Variants in DLG2 observed in about 807,000 individuals in gnomAD.
DLG2 encodes disks large homolog 2.
DLG2 carries 45 observed loss-of-function variants against 132.5 expected under a neutral mutation model. The observed-to-expected ratio is 0.34, with a 90% CI of 0.27 to 0.44. The LOEUF (loss-of-function observed/expected upper bound fraction) is 0.44. Among genes scored for constraint, DLG2 ranks in the 20% least tolerant of loss-of-function variants. The pLI is 1.00. For synonymous variants in DLG2, 424 were observed against 419.6 expected, an observed-to-expected ratio of 1.01 and a Z score of -0.13; for missense variants, 1,045 against 1,196.9, an observed-to-expected ratio of 0.87 and a Z score of 1.87.
rs1289305822 is a variant in DLG2, at chr11:83,753,143, C to T, written c.1825+33547G>A. 2.6e-5 allele frequency among the ~76,000 whole-genome samples: 4 copies of T among 152,282 alleles called. No homozygotes were observed. The South Asian group carries it at 6.2e-4, about 24-fold the overall frequency. On this transcript the variant is annotated intron_variant, in intron 18 of 27. Coordinates refer to ENST00000376104, the MANE Select transcript of DLG2 (RefSeq NM_001142699.3). ...AAGGAATAAAACTCAGATCTCATGG[C>T]CGGGCGTGGTGGCTCACACCTGTGA...
At chr11:83,663,374 G>A (rs919324064) in intron 18 of DLG2, among the ~76,000 whole-genome samples, 1 of 152,132 alleles carries the variant, frequency 6.6e-6, no homozygotes, top group African/African-American at 2.4e-5. Flanking sequence ...TTATCTCAGA[G>A]GTTAAGAGTT....
intron 11 of DLG2, among the ~76,000 whole-genome samples, chr11:84,030,470 T>G (rs765075308): frequency 6.6e-6 from 1 of 152,260 alleles, no homozygotes; most frequent in South Asian, 2.1e-4. Context: ...ATCAATGCCC[T>G]TCCATGGCCT....
intron 15 of DLG2, among the ~76,000 whole-genome samples, chr11:83,914,469 T>C (rs1001997425): frequency 6.6e-6 from 1 of 152,138 alleles, no homozygotes; most frequent in African/African-American, 2.4e-5. Flanking sequence ...CACCAAGATG[T>C]TTTTCTAGAT....
intron 15 of DLG2, among the ~76,000 whole-genome samples, chr11:83,912,825 G>A (rs2076296784): frequency 6.6e-6 from 1 of 152,014 alleles, no homozygotes; most frequent in Non-Finnish European, 1.5e-5. Context: ...CTCGAATTTG[G>A]GAAAACACTG....
intron 7 of DLG2, among the ~76,000 whole-genome samples, chr11:84,473,128 G>T (rs372885713): frequency 7.2e-5 from 11 of 152,064 alleles, no homozygotes; most frequent in African/African-American, 2.6e-4. Context: ...CCTCGTATTT[G>T]GTAGTACCAA....
intron 7 of DLG2, among the ~76,000 whole-genome samples, chr11:84,469,000 C>T (rs2154488925): frequency 1.3e-5 from 2 of 151,696 alleles, no homozygotes; most frequent in Non-Finnish European, 3.0e-5. Flanking sequence ...TCTTCCCAAA[C>T]ACTCAGACAG....
At chr11:85,452,615 TG>T in intron 3 of DLG2, 2 of 201,350 alleles carry the variant, frequency 9.9e-6, no homozygotes, top group Non-Finnish European at 2.2e-5. Context: ...CAGGCCATCT[TG>T]GGAGGATGTG....
At chr11:84,417,911 C>T (rs1030823720) in intron 7 of DLG2, among the ~76,000 whole-genome samples, 10 of 152,158 alleles carry the variant, frequency 6.6e-5, no homozygotes, top group African/African-American at 2.4e-4. Flanking sequence ...TCCTATCTCC[C>T]TATCCCTTAA....
intron 4 of DLG2, among the ~76,000 whole-genome samples, chr11:85,282,929 C>T (rs1304978918): frequency 6.6e-6 from 1 of 151,902 alleles, no homozygotes; most frequent in East Asian, 1.9e-4. Flanking sequence ...AGATCATGCC[C>T]TTTGCAGGAA....
chr11:84,271,949 C>CAAAAAAAAAA (rs71036417), intron 7 of DLG2, among the ~76,000 whole-genome samples: 4 of 77,766 alleles, frequency 5.1e-5, no homozygotes, highest in African/African-American at 1.3e-4. Context: ...TTGATAATAA[C>CAAAAAAAAAA]AAAAAAAAAA....
intron 19 of DLG2, among the ~76,000 whole-genome samples, chr11:83,599,588 C>A (rs546354491): frequency 6.6e-6 from 1 of 152,290 alleles, no homozygotes; most frequent in East Asian, 1.9e-4. Context: ...CTTTGTGACA[C>A]CATGGGGCAC....
rs193025172 is a variant in DLG2 at position 83,633,216 on chromosome 11, G to A, written c.1935C>T (p.Tyr645=). 3.5e-4 allele frequency: 564 copies of A among 1,613,540 alleles called. 2 individuals are homozygous for A. The East Asian group carries it at 4.8e-3, about 14-fold the overall frequency. Residue 645 remains tyrosine, a synonymous_variant, in exon 19 of 28, where the codon TAC becomes TAT. Transcript: ENST00000376104. The part of the protein sequence containing the change: ...SLRTNQKRSL[Y]VRAMFDYDKS... ...AGAAATACTCCTTTGCCTACCTGACGTAGAGGGAGCGTTTCTGATTGGTTC... is the reference window on the plus strand; with the variant it reads ...AGAAATACTCCTTTGCCTACCTGACATAGAGGGAGCGTTTCTGATTGGTTC...
intron 6 of DLG2, among the ~76,000 whole-genome samples, chr11:85,050,580 G>A (rs889536686): frequency 3.3e-5 from 5 of 152,084 alleles, no homozygotes; most frequent in African/African-American, 1.2e-4. Context: ...TCAAGAAAGT[G>A]GCCAGAGTTT....
intron 15 of DLG2, among the ~76,000 whole-genome samples, chr11:83,896,646 A>G (rs184381788): frequency 2.6e-5 from 4 of 152,316 alleles, no homozygotes; most frequent in East Asian, 1.9e-4. Context: ...AGAAAATGCA[A>G]TTTTATAGAG....
At chr11:85,111,553 C>A in intron 6 of DLG2, 108 bp downstream of exon 6, 1 of 820,818 alleles carries the variant, frequency 1.2e-6, no homozygotes, top group Non-Finnish European at 1.8e-6. Context: ...AAAATATTTG[C>A]TTTACTCCAG....
At chr11:84,384,068 A>G (rs1246290719) in intron 7 of DLG2, among the ~76,000 whole-genome samples, 1 of 146,010 alleles carries the variant, frequency 6.8e-6, no homozygotes, top group African/African-American at 2.5e-5. Context: ...TTTTTCTAGC[A>G]TCTAGTATAG....
At chr11:85,039,183 G>T (rs2061644109) in intron 6 of DLG2, among the ~76,000 whole-genome samples, 1 of 151,676 alleles carries the variant, frequency 6.6e-6, no homozygotes, top group Admixed American at 6.6e-5. Flanking sequence ...TCACACAAAG[G>T]ACCTTAGTAA....
At chr11:83,530,250 T>C (rs1431957559) in intron 21 of DLG2, among the ~76,000 whole-genome samples, 1 of 152,070 alleles carries the variant, frequency 6.6e-6, no homozygotes, top group Non-Finnish European at 1.5e-5. Context: ...TACCCTCACT[T>C]CTATGTAGAA....
intron 19 of DLG2, among the ~76,000 whole-genome samples, chr11:83,582,043 G>C (rs1482775176): frequency 8.1e-6 from 1 of 123,356 alleles, no homozygotes; most frequent in East Asian, 2.8e-4. Context: ...TGCAACCTCC[G>C]CCTCACAGAT....
Sources: allele counts gnomAD v4.1 joint callset (sites outside exome capture counted in the v4.1 genomes callset), GRCh38; gene constraint gnomAD v4.1.1; transcripts MANE v1.5; gene names NCBI Gene and HGNC (gene_info 2026-07-23, HGNC 2026-07-21).